CCDC63: variants seen among roughly 807,000 people sequenced by gnomAD.
CCDC63 encodes the protein coiled-coil domain containing 63.
CCDC63 carries 54 observed loss-of-function variants against 63.6 expected under a neutral mutation model. The observed-to-expected ratio is 0.85, with a 90% CI of 0.68 to 1.07. The LOEUF (loss-of-function observed/expected upper bound fraction) is 1.07, where lower values mean the gene tolerates loss of function less well. Among genes scored for constraint, CCDC63 ranks in the 50% least tolerant of loss-of-function variants. The pLI, the probability that CCDC63 is intolerant of heterozygous loss-of-function variation, is 0.00. For missense variants in CCDC63, 637 were observed against 689.6 expected, an observed-to-expected ratio of 0.92 and a Z score of 0.86; for synonymous variants, 253 against 266.1, an observed-to-expected ratio of 0.95 and a Z score of 0.48.
intron 6 of CCDC63, 85 bp downstream of exon 6, chr12:110,880,172 C>G: frequency 1.7e-6 from 2 of 1,187,820 alleles, no homozygotes; most frequent in Non-Finnish European, 2.4e-6. Flanking sequence ...CACCACTGTC[C>G]CTGGTCGTTA....
chr12:110,907,521 A>G lies in CCDC63; in HGVS notation c.*45A>G. 1 of 1,610,326 alleles carries G rather than the reference A, an allele frequency of 6.2e-7. No homozygotes were observed. Among genetic ancestry groups the G allele is most frequent in the Non-Finnish European group, 8.5e-7 (1 of 1,177,620 alleles). On this transcript the variant is annotated 3_prime_UTR_variant, in exon 12 of 12. Coordinates refer to ENST00000308208, the MANE Select transcript of CCDC63 (RefSeq NM_152591.3). The surrounding 1 kb of genome is among the most constrained non-coding windows in gnomAD (Gnocchi z 4.4). The stretch of plus-strand genomic sequence containing the variant: ...CTTTGCAACATAACCGAAAGAATAA[A>G]TGTTTTGTTCTGTAGCCTCGTGCCT...
At chr12:110,884,780 C>T (rs745947699) in intron 8 of CCDC63, among the ~76,000 whole-genome samples, 3 of 151,910 alleles carry the variant, frequency 2.0e-5, no homozygotes, top group African/African-American at 7.2e-5. Context: ...TCCACCTCCC[C>T]GGTTCAAGAG....
In CCDC63 at chr12:110,881,260, C is replaced by T. The variant is rs776826801; in HGVS notation, c.817C>T (p.Arg273Cys). 3.7e-6 allele frequency: 6 copies of T among 1,613,494 alleles called. No homozygotes were observed. The East Asian group carries it at 6.7e-5, about 18-fold the overall frequency. The part of the protein sequence containing the change: ...KSFLLVKLND[R>C]NEFEEQAKRE... ...CTTCCTGCTCGTCAAGCTGAATGAT[C>T]GCAATGAATTCGAGGAGCAGGCCAA... Residue 273 changes from arginine to cysteine, a missense_variant, in exon 7 of 12, where the codon CGC becomes TGC. Arg to Cys is a radical substitution (Grantham distance 180, BLOSUM62 -3). Coordinates refer to ENST00000308208, the MANE Select transcript of CCDC63 (RefSeq NM_152591.3).
At position 110,884,712 on chromosome 12, in the gene CCDC63, A is replaced by G. The variant is rs555506522; in HGVS notation, c.1074+462A>G. On this transcript the variant is annotated intron_variant, in intron 8 of 11. Transcript: ENST00000308208. ...TTTATTTGTATTTTTTTTGAGACGG[A>G]GTCTTGCTCTGTCATCCAGGCTGGA... 4.0e-5 allele frequency among the ~76,000 whole-genome samples: 6 copies of G among 150,692 alleles called. No individual in the cohort carries two copies. In the South Asian group the frequency reaches 1.1e-3, roughly 27 times the overall value.
intron 9 of CCDC63, among the ~76,000 whole-genome samples, chr12:110,894,216 C>CAAT (rs1420032842): frequency 1.3e-5 from 2 of 151,936 alleles, no homozygotes; most frequent in East Asian, 1.9e-4. Flanking sequence ...ACAACAACAA[C>CAAT]AAAAATCCTC....
chr12:110,856,650 G>C (rs2070774649), intron 3 of CCDC63, among the ~76,000 whole-genome samples: 1 of 92,194 alleles, frequency 1.1e-5, no homozygotes, highest in Admixed American at 1.2e-4. Flanking sequence ...TGCCTAAGTG[G>C]ATACTATGGG....
chr12:110,891,964 A>G (rs1240962736), intron 8 of CCDC63, among the ~76,000 whole-genome samples: 1 of 152,194 alleles, frequency 6.6e-6, no homozygotes, highest in Non-Finnish European at 1.5e-5. Flanking sequence ...GCTTTTTTCT[A>G]TCAGAGCACA....
intron 1 of CCDC63, among the ~76,000 whole-genome samples, chr12:110,850,187 A>C (rs1449295107): frequency 6.6e-6 from 1 of 152,206 alleles, no homozygotes; most frequent in Non-Finnish European, 1.5e-5. Context: ...TGCCTCCTGT[A>C]AATGTCAGAT....
At chr12:110,879,806 T>G in intron 5 of CCDC63, 100 bp from the exon 6 acceptor site, 52 of 1,133,798 alleles carry the variant, frequency 4.6e-5, no homozygotes, top group Non-Finnish European at 6.5e-5. Context: ...CCCTTGCGTA[T>G]GAGGTGGGGC....
intron 7 of CCDC63, among the ~76,000 whole-genome samples, chr12:110,883,567 A>G (rs2071236442): frequency 2.0e-5 from 3 of 152,160 alleles, no homozygotes; most frequent in African/African-American, 7.2e-5. Flanking sequence ...TCCTGGAAAC[A>G]TCTAGCCTCA....
At chr12:110,877,704 C>CTTTTTTTTTTT (rs869085659) in intron 5 of CCDC63, among the ~76,000 whole-genome samples, 1 of 142,908 alleles carries the variant, frequency 7.0e-6, no homozygotes. Context: ...GACTTTCTTT[C>CTTTTTTTTTTT]TTTCTTTTTT....
At chr12:110,877,848 AGG>A (rs2071151191) in intron 5 of CCDC63, among the ~76,000 whole-genome samples, 3 of 151,514 alleles carry the variant, frequency 2.0e-5, no homozygotes, top group Admixed American at 6.6e-5. Flanking sequence ...TGGGGATTAC[AGG>A]TGCCCACCAA....
chr12:110,871,340 A>C (rs1325051911), intron 4 of CCDC63, among the ~76,000 whole-genome samples: 2 of 151,882 alleles, frequency 1.3e-5, no homozygotes, highest in African/African-American at 2.4e-5. Flanking sequence ...ACAGGGTTTC[A>C]CCGTGTTAGC....
chr12:110,893,088 C>G lies in CCDC63; in HGVS notation c.1087C>G (p.Leu363Val), dbSNP rs201067506. The G allele has an allele frequency of 2.5e-4, 408 of 1,614,100 alleles. No individual in the cohort carries two copies. Among genetic ancestry groups the G allele is most frequent in the Non-Finnish European group, 3.3e-4 (385 of 1,179,976 alleles). ...RTQRIQDEII[L>V]LRSQQKLSHD... ...CTCTCCCGAGCAGGACGAGATCATC[C>G]TCTTGCGATCCCAGCAGAAATTGTC... Residue 363 changes from leucine (L) to valine (V), a missense_variant, in exon 9 of 12, where the codon CTC (leucine) becomes GTC (valine). Coordinates refer to ENST00000308208, the MANE Select transcript of CCDC63 (RefSeq NM_152591.3).
At chr12:110,863,612 C>T (rs576088427) in intron 4 of CCDC63, among the ~76,000 whole-genome samples, 37 of 151,280 alleles carry the variant, frequency 2.4e-4, no homozygotes, top group African/African-American at 8.5e-4. Context: ...ACAATCTCGG[C>T]TCACTGCAAC....
At chr12:110,850,549 C>T (rs2070693252) in intron 1 of CCDC63, among the ~76,000 whole-genome samples, 1 of 152,204 alleles carries the variant, frequency 6.6e-6, no homozygotes, top group South Asian at 2.1e-4. Flanking sequence ...CGAGACCAGC[C>T]TGACCAAAAT....
intron 3 of CCDC63, among the ~76,000 whole-genome samples, chr12:110,857,641 C>T (rs1483020242): frequency 6.6e-6 from 1 of 152,198 alleles, no homozygotes; most frequent in Non-Finnish European, 1.5e-5. Context: ...GAAACTCAGC[C>T]TCTGTGCCAT....
At chr12:110,862,289 T>C (rs61940978) in intron 4 of CCDC63, among the ~76,000 whole-genome samples, 1,770 of 152,272 alleles carry the variant, frequency 0.012, 11 homozygotes, top group Non-Finnish European at 0.015. Flanking sequence ...CATTCCAGGG[T>C]GGCAGTTACC....
intron 5 of CCDC63, among the ~76,000 whole-genome samples, chr12:110,876,247 A>G (rs575184741): frequency 8.2e-6 from 1 of 122,392 alleles, no homozygotes; most frequent in East Asian, 2.4e-4. Context: ...CCCCCCCACA[A>G]TCAGAGGATA....
Sources: allele counts gnomAD v4.1 joint callset (sites outside exome capture counted in the v4.1 genomes callset), GRCh38; gene constraint gnomAD v4.1.1; non-coding constraint Gnocchi (gnomAD v3.1); transcripts MANE v1.5; gene names NCBI Gene and HGNC (gene_info 2026-07-23, HGNC 2026-07-21).